The following PRTG variants were observed in gnomAD, a reference collection of about 807,000 sequenced individuals.
PRTG encodes immunoglobulin superfamily, DCC subclass, member 5.
A neutral mutation model predicts 122.5 loss-of-function variants in PRTG; 67 were observed. That is an observed-to-expected ratio of 0.55 (90% confidence interval 0.45 to 0.67). The LOEUF is 0.67. Among genes scored for constraint, PRTG ranks in the 30% least tolerant of loss-of-function variants. PRTG has a pLI of 0.00. For synonymous variants in PRTG, 554 were observed against 501.1 expected, an observed-to-expected ratio of 1.11 and a Z score of -1.41; for missense variants, 1,435 against 1,415.4, an observed-to-expected ratio of 1.01 and a Z score of -0.22.
rs869204396 is a variant in PRTG, at chr15:55,658,316, AT to A, written c.2041+14128del. Among the ~76,000 whole-genome samples, 382 of 147,048 alleles carry A rather than the reference AT, an allele frequency of 2.6e-3. 1 individual carries two copies. Among genetic ancestry groups the A allele is most frequent in the Admixed American group, 4.1e-3 (60 of 14,726 alleles). Reference sequence around the variant, plus strand: ...TTTGTGCATGCGCATTATTGTTTTTATTTTTTTTTTTTTTTTTGAGATGAAG... The same window carrying A: ...TTTGTGCATGCGCATTATTGTTTTTATTTTTTTTTTTTTTTTGAGATGAAG... On this transcript the variant is annotated intron_variant, in intron 11 of 19. Transcript: ENST00000389286.
intron 2 of PRTG, among the ~76,000 whole-genome samples, chr15:55,692,421 G>T (rs1388349667): frequency 6.6e-6 from 1 of 152,170 alleles, no homozygotes; most frequent in African/African-American, 2.4e-5. Flanking sequence ...ATTCAGGGGA[G>T]ACCGAGGAAA....
At chr15:55,731,481 C>T (rs2031231745) in intron 2 of PRTG, among the ~76,000 whole-genome samples, 1 of 150,714 alleles carries the variant, frequency 6.6e-6, no homozygotes. Context: ...AGGGATTCTC[C>T]TGCCTCAGCC....
Position 55,742,735 on chromosome 15 carries a change from C to T in PRTG, c.94+103G>A, listed in dbSNP as rs1007620721. On this transcript the variant is annotated intron_variant, in intron 1 of 19. Transcript: ENST00000389286. ...GGGGTCAGCGCCACCACGGAGGACC[C>T]CGCCGCGCGCTCCCCACGCCCCATC... The T allele has an allele frequency of 4.9e-6, 7 of 1,422,446 alleles. No homozygotes were observed. The East Asian group carries it at 1.9e-4, about 38-fold the overall frequency. 88.1% of individuals were successfully genotyped at this position (1,422,446 alleles called of 1,614,324 possible).
intron 11 of PRTG, among the ~76,000 whole-genome samples, chr15:55,645,720 GC>G (rs1472651779): frequency 6.6e-6 from 1 of 152,076 alleles, no homozygotes; most frequent in Non-Finnish European, 1.5e-5. Context: ...AGAGACCAGG[GC>G]CAACACTGTA....
At chr15:55,621,780 T>C (rs552909938) in intron 18 of PRTG, among the ~76,000 whole-genome samples, 3 of 152,286 alleles carry the variant, frequency 2.0e-5, no homozygotes, top group Non-Finnish European at 4.4e-5. Context: ...CCAAAACACA[T>C]TAAGATACAT....
chr15:55,637,058 C>T lies in PRTG; in HGVS notation c.2623+112G>A, dbSNP rs1458782085. The stretch of plus-strand genomic sequence containing the variant: ...TGAACAAAGCCAAAATCTTTTATTA[C>T]TTCATACATAAAAATGTAAATTCAA... On this transcript the variant is annotated intron_variant, in intron 15 of 19. Transcript: ENST00000389286. The T allele has an allele frequency of 4.2e-6, 4 of 942,416 alleles. No homozygotes were observed. The African/African-American group carries it at 6.7e-5, about 16-fold the overall frequency. 58.4% of individuals were successfully genotyped at this position (942,416 alleles called of 1,614,324 possible).
At chr15:55,719,904 C>CA (rs1228112641) in intron 2 of PRTG, among the ~76,000 whole-genome samples, 2 of 150,944 alleles carry the variant, frequency 1.3e-5, no homozygotes, top group Non-Finnish European at 3.0e-5. Flanking sequence ...ACTAAAAACA[C>CA]AAAAAAAATT....
intron 15 of PRTG, among the ~76,000 whole-genome samples, chr15:55,630,049 C>T (rs1052986325): frequency 2.0e-5 from 3 of 150,764 alleles, no homozygotes; most frequent in South Asian, 2.1e-4. Context: ...TGCAGCGGCA[C>T]GATCTTGGCT....
rs190286457 is a variant in PRTG at position 55,622,609 on chromosome 15, T to A, written c.3093+1733A>T. 4.6e-3 allele frequency among the ~76,000 whole-genome samples: 702 copies of A among 151,928 alleles called. 3 individuals carry two copies. Among genetic ancestry groups the A allele is most frequent in the Non-Finnish European group, 6.3e-3 (431 of 67,976 alleles). On this transcript the variant is annotated intron_variant, in intron 18 of 19. Coordinates refer to ENST00000389286, the MANE Select transcript of PRTG (RefSeq NM_173814.6). Reference sequence around the variant, plus strand: ...GGTTTCACCATGTTAGCTAGGATGGTCTCGATCTCCTGACCTCGTGATCCG... The same window carrying A: ...GGTTTCACCATGTTAGCTAGGATGGACTCGATCTCCTGACCTCGTGATCCG...
intron 11 of PRTG, among the ~76,000 whole-genome samples, chr15:55,666,051 T>C (rs1280813295): frequency 1.3e-5 from 2 of 152,214 alleles, no homozygotes; most frequent in Non-Finnish European, 2.9e-5. Flanking sequence ...TGGCCCACTG[T>C]ATCAGTCTTG....
intron 16 of PRTG, among the ~76,000 whole-genome samples, chr15:55,627,923 C>A (rs969079714): frequency 2.0e-5 from 3 of 152,078 alleles, no homozygotes; most frequent in Non-Finnish European, 4.4e-5. Context: ...TGTGATTCTG[C>A]GAGTCTACGG....
intron 15 of PRTG, 113 bp from the exon 16 acceptor site, chr15:55,629,117 C>T: frequency 1.7e-6 from 1 of 592,228 alleles, no homozygotes; most frequent in Non-Finnish European, 2.8e-6. Flanking sequence ...ATAAAGATGA[C>T]ACATATTGTA....
chr15:55,711,180 C>T (rs2030372572), intron 2 of PRTG, among the ~76,000 whole-genome samples: 1 of 151,804 alleles, frequency 6.6e-6, no homozygotes, highest in African/African-American at 2.4e-5. Context: ...CTTTGGCCTC[C>T]CAAACTGTTG....
chr15:55,712,053 C>G (rs2030408658), intron 2 of PRTG, among the ~76,000 whole-genome samples: 1 of 152,140 alleles, frequency 6.6e-6, no homozygotes, highest in African/African-American at 2.4e-5. Context: ...GATTCTGGAG[C>G]TAGGGCTTGA....
At chr15:55,680,437 G>T in intron 5 of PRTG, 54 bp downstream of exon 5, 1 of 1,488,800 alleles carries the variant, frequency 6.7e-7, no homozygotes, top group Non-Finnish European at 9.0e-7. Flanking sequence ...AATTTCATTA[G>T]AATGAACAAA....
intron 2 of PRTG, among the ~76,000 whole-genome samples, chr15:55,710,904 T>C (rs2030356059): frequency 6.6e-6 from 1 of 151,856 alleles, no homozygotes; most frequent in African/African-American, 2.4e-5. Context: ...ATGTGGTTTT[T>C]TGATTTTTTT....
In PRTG at chr15:55,612,643, C is replaced by CTGG. The variant is rs1164699208; in HGVS notation, c.*7368_*7369insCCA. 1 of 143,586 alleles carries CTGG rather than the reference C, an allele frequency of 7.0e-6. No individual in the cohort carries two copies. The highest frequency in any genetic ancestry group is 1.5e-5 in the Non-Finnish European group (1 of 65,722). 8.9% of individuals were successfully genotyped at this position (143,586 alleles called of 1,614,324 possible). On this transcript the variant is annotated 3_prime_UTR_variant, in exon 20 of 20. Coordinates refer to ENST00000389286, the MANE Select transcript of PRTG (RefSeq NM_173814.6). ...AATCCTAAATATGTACTTTTCTCCT[C>CTGG]ACCCATCTATCCTGCTGGACAGATC...
chr15:55,710,566 T>C (rs2030338603), intron 2 of PRTG, among the ~76,000 whole-genome samples: 1 of 152,238 alleles, frequency 6.6e-6, no homozygotes. Context: ...AATTTTAGGC[T>C]GTGAGTACAT....
In PRTG at chr15:55,638,783, C is replaced by A. The variant is rs2141733002; in HGVS notation, c.2325-107G>T. The A allele has an allele frequency of 4.5e-6, 4 of 897,336 alleles. No homozygotes were observed. In the South Asian group the frequency reaches 7.6e-5, roughly 17 times the overall value. The allele number at this position is 897,336 out of a possible 1,614,324, so 55.6% of individuals were successfully genotyped here. A position where few individuals can be genotyped will look rare whatever the true frequency, so the allele number is the denominator to read the frequency against. ...AGGGCATAATGTTATTTTTCATTACCTCCTTATTTTATATGAAAAAATGTT... is the reference window on the plus strand; with the variant it reads ...AGGGCATAATGTTATTTTTCATTACATCCTTATTTTATATGAAAAAATGTT... On this transcript the variant is annotated intron_variant, in intron 13 of 19. Transcript: ENST00000389286.
Sources: gnomAD v4.1 joint callset for allele counts (sites outside exome capture counted in the v4.1 genomes callset) on GRCh38, gnomAD v4.1.1 for gene constraint, MANE v1.5 for transcripts, NCBI Gene and HGNC (gene_info 2026-07-23, HGNC 2026-07-21) for gene names.